FARP1: variants seen among roughly 807,000 people sequenced by gnomAD.
The protein encoded by FARP1 is FERM, ARH/RhoGEF and pleckstrin domain protein 1, also known as FERM, ARHGEF and pleckstrin domain-containing protein 1.
Under a neutral mutation model 128.8 loss-of-function variants are expected in FARP1, and 52 were observed. The ratio of observed to expected loss-of-function variants is 0.40; its 90% CI spans 0.32 to 0.51. The LOEUF (loss-of-function observed/expected upper bound fraction) is 0.51. FARP1 is among the 20% of genes least tolerant of loss of function. The pLI, the probability that FARP1 is intolerant of heterozygous loss-of-function variation, is 0.45. For missense variants in FARP1, 1,333 were observed against 1,367.9 expected (o/e 0.97, Z 0.40); for synonymous variants, 580 against 551.8 (o/e 1.05, Z -0.72).
chr13:98,444,313 G>A (rs566441912), intron 24 of FARP1, among the ~76,000 whole-genome samples: 2 of 152,312 alleles, frequency 1.3e-5, no homozygotes, highest in South Asian at 2.1e-4. Flanking sequence ...AGGCACGGAG[G>A]GTTTGGACTT....
intron 6 of FARP1, among the ~76,000 whole-genome samples, chr13:98,380,221 C>T (rs1323181491): frequency 1.3e-5 from 2 of 151,758 alleles, no homozygotes; most frequent in Non-Finnish European, 2.9e-5. Flanking sequence ...CCGAGGCGGG[C>T]GGATCACTTG....
chr13:98,218,461 G>A (rs1273429540), intron 2 of FARP1, among the ~76,000 whole-genome samples: 1 of 152,158 alleles, frequency 6.6e-6, no homozygotes, highest in Non-Finnish European at 1.5e-5. Flanking sequence ...TGAGGACCCT[G>A]TGTTGACATG....
intron 2 of FARP1, among the ~76,000 whole-genome samples, chr13:98,241,394 A>T (rs931098098): frequency 6.6e-6 from 1 of 152,144 alleles, no homozygotes; most frequent in Non-Finnish European, 1.5e-5. Context: ...GTTGCACACG[A>T]TGGGGTGGAC....
chr13:98,144,423 T>TC (rs1875353875), intron 1 of FARP1, among the ~76,000 whole-genome samples: 1 of 152,142 alleles, frequency 6.6e-6, no homozygotes, highest in African/African-American at 2.4e-5. Flanking sequence ...CTGGAACAGT[T>TC]TAGCAGCCTC....
At chr13:98,205,420 T>G (rs545136013) in intron 1 of FARP1, among the ~76,000 whole-genome samples, 1 of 152,034 alleles carries the variant, frequency 6.6e-6, no homozygotes, top group Non-Finnish European at 1.5e-5. Context: ...TTAGACAGAG[T>G]CTCACTCTGT....
intron 2 of FARP1, among the ~76,000 whole-genome samples, chr13:98,271,524 A>G (rs186645154): frequency 1.3e-5 from 2 of 152,260 alleles, no homozygotes; most frequent in Non-Finnish European, 2.9e-5. Context: ...TAAGCCCCAC[A>G]TGCATTAGGT....
intron 5 of FARP1, among the ~76,000 whole-genome samples, chr13:98,368,536 T>G (rs1260658518): frequency 2.0e-5 from 3 of 152,208 alleles, no homozygotes; most frequent in Admixed American, 6.5e-5. Context: ...AGAGTTTGTC[T>G]TTGCCGCTGC....
At chr13:98,301,354 A>G (rs1214671664) in intron 2 of FARP1, among the ~76,000 whole-genome samples, 1 of 152,212 alleles carries the variant, frequency 6.6e-6, no homozygotes, top group Admixed American at 6.5e-5. Flanking sequence ...GAGGTGGAGA[A>G]GTCAGACAGG....
chr13:98,447,960 C>T (rs1892959257), intron 26 of FARP1: 1 of 487,760 alleles, frequency 2.1e-6, no homozygotes, highest in East Asian at 3.6e-5. Flanking sequence ...CCCCAGCAAC[C>T]AGAGGCCACC....
chr13:98,254,574 G>T (rs1393104094), intron 2 of FARP1, among the ~76,000 whole-genome samples: 1 of 152,198 alleles, frequency 6.6e-6, no homozygotes, highest in Non-Finnish European at 1.5e-5. Flanking sequence ...GTATCCTTCT[G>T]CCTGTGTTGC....
At position 98,431,188 on chromosome 13, in the gene FARP1, G is replaced by A. The variant is rs181363933; in HGVS notation, c.2051G>A (p.Arg684Gln). 9 of 1,613,080 alleles carry A rather than the reference G, an allele frequency of 5.6e-6. No homozygotes were observed. Among genetic ancestry groups the A allele is most frequent in the African/African-American group, 2.7e-5 (2 of 74,990 alleles). Residue 684 changes from arginine to glutamine, a missense_variant, in exon 18 of 27, where the codon CGG (arginine) becomes CAG (glutamine). Coordinates refer to ENST00000319562, the MANE Select transcript of FARP1 (RefSeq NM_005766.4). ...CYLPLNTFLL[R>Q]PLHRLMHYKQ... Reference sequence around the variant, plus strand: ...CTACCGCTCAACACCTTCCTCCTGCGGCCACTGCACCGGCTCATGCACTAC... The same window carrying A: ...CTACCGCTCAACACCTTCCTCCTGCAGCCACTGCACCGGCTCATGCACTAC...
At chr13:98,357,599 CT>C (rs35366934) in intron 3 of FARP1, among the ~76,000 whole-genome samples, 92,195 of 152,004 alleles carry the variant, frequency 0.61, 30,481 homozygotes, top group Non-Finnish European at 0.77. Flanking sequence ...TAGCTTGGAT[CT>C]TTTTTTATAT....
intron 1 of FARP1, among the ~76,000 whole-genome samples, chr13:98,201,625 G>A (rs938588571): frequency 1.3e-5 from 2 of 152,174 alleles, no homozygotes; most frequent in African/African-American, 2.4e-5. Flanking sequence ...AGGTGTTTGA[G>A]TAGAAAAGGG....
chr13:98,409,254 G>T, intron 13 of FARP1, 84 bp from the exon 14 acceptor site: 1 of 1,101,058 alleles, frequency 9.1e-7, no homozygotes, highest in Non-Finnish European at 1.3e-6. Context: ...CTTACGATTT[G>T]AAAAAGGTGA....
At chr13:98,166,108 C>A (rs984416461) in intron 1 of FARP1, among the ~76,000 whole-genome samples, 1 of 152,158 alleles carries the variant, frequency 6.6e-6, no homozygotes, top group Non-Finnish European at 1.5e-5. Flanking sequence ...TTAATACACT[C>A]CGAAGATGGT....
At chr13:98,370,861 A>T (rs694552) in intron 5 of FARP1, among the ~76,000 whole-genome samples, 4,422 of 152,272 alleles carry the variant, frequency 0.029, 223 homozygotes, top group African/African-American at 0.1. Flanking sequence ...AGGCAAAGGC[A>T]GCCAGGAATT....
At chr13:98,253,240 A>C (rs989671005) in intron 2 of FARP1, among the ~76,000 whole-genome samples, 2 of 152,228 alleles carry the variant, frequency 1.3e-5, no homozygotes, top group Non-Finnish European at 2.9e-5. Flanking sequence ...CTTGTTGGCA[A>C]GTAGTCCTGA....
chr13:98,250,071 C>T (rs1228540988), intron 2 of FARP1, among the ~76,000 whole-genome samples: 3 of 152,250 alleles, frequency 2.0e-5, no homozygotes, highest in Non-Finnish European at 4.4e-5. Context: ...GAAAATACAT[C>T]GCTTTAAATT....
At chr13:98,281,043 T>G (rs1235204257) in intron 2 of FARP1, among the ~76,000 whole-genome samples, 1 of 152,228 alleles carries the variant, frequency 6.6e-6, no homozygotes, top group Non-Finnish European at 1.5e-5. Flanking sequence ...AATATATTTA[T>G]TAATAATGGC....
Sources: gnomAD v4.1 joint callset for allele counts (sites outside exome capture counted in the v4.1 genomes callset) on GRCh38, gnomAD v4.1.1 for gene constraint, MANE v1.5 for transcripts, NCBI Gene and HGNC (gene_info 2026-07-23, HGNC 2026-07-21) for gene names.